DTNA: variants seen among roughly 807,000 people sequenced by gnomAD.
DTNA encodes dystrobrevin alpha.
A neutral mutation model predicts 100.7 loss-of-function variants in DTNA; 43 were observed. That is an observed-to-expected ratio of 0.43 (90% CI 0.33 to 0.55). DTNA has a LOEUF of 0.55. Ranked by LOEUF, DTNA falls within the 20% of genes least tolerant of loss-of-function variation. The pLI, the probability that DTNA is intolerant of heterozygous loss-of-function variation, is 0.04. For synonymous variants in DTNA, 349 were observed against 347.9 expected (o/e 1.00, Z -0.04); for missense variants, 798 against 953.9 (o/e 0.84, Z 2.15).
chr18:34,608,700 T>C (rs1256478524), intron 1 of DTNA, among the ~76,000 whole-genome samples: 2 of 152,176 alleles, frequency 1.3e-5, no homozygotes, highest in African/African-American at 2.4e-5. Context: ...GGGTGACCCA[T>C]CTCTTTGTGA....
chr18:34,517,513 CAT>C (rs888590563), intron 1 of DTNA, among the ~76,000 whole-genome samples: 4 of 147,344 alleles, frequency 2.7e-5, no homozygotes, highest in Admixed American at 2.0e-4. Flanking sequence ...AATGTTATCT[CAT>C]ATGTAGCTTT....
intron 13 of DTNA, among the ~76,000 whole-genome samples, chr18:34,846,763 C>T (rs752191359): frequency 1.3e-4 from 20 of 152,120 alleles, no homozygotes; most frequent in Non-Finnish European, 2.5e-4. Context: ...TAATTACTTT[C>T]ACTCATCTTC....
At chr18:34,635,753 A>G (rs2058600180) in intron 1 of DTNA, among the ~76,000 whole-genome samples, 1 of 152,210 alleles carries the variant, frequency 6.6e-6, no homozygotes, top group South Asian at 2.1e-4. Context: ...TATCTCAATC[A>G]AAAGTCTTTT....
intron 1 of DTNA, among the ~76,000 whole-genome samples, chr18:34,743,349 A>G (rs8096535): frequency 0.034 from 5,102 of 152,100 alleles, 298 homozygotes; most frequent in African/African-American, 0.12. Context: ...AACCCCATCT[A>G]CTTGGCTGTG....
chr18:34,812,145 CTT>C, intron 6 of DTNA, 32 bp downstream of exon 6: 3 of 1,613,474 alleles, frequency 1.9e-6, no homozygotes, highest in Non-Finnish European at 2.5e-6. Flanking sequence ...GGAAGTATCT[CTT>C]TCAAACAGTG....
At chr18:34,594,148 A>C (rs2050108349) in intron 1 of DTNA, among the ~76,000 whole-genome samples, 1 of 152,060 alleles carries the variant, frequency 6.6e-6, no homozygotes, top group African/African-American at 2.4e-5. Flanking sequence ...TTCAGGAAAA[A>C]AAAAAAAGCT....
chr18:34,726,744 T>A (rs1392612475), intron 1 of DTNA, among the ~76,000 whole-genome samples: 1 of 152,094 alleles, frequency 6.6e-6, no homozygotes, highest in Non-Finnish European at 1.5e-5. Flanking sequence ...TGGATTGGAG[T>A]TGAGTGCCTG....
At chr18:34,702,624 C>T (rs1028603724) in intron 1 of DTNA, among the ~76,000 whole-genome samples, 3 of 152,192 alleles carry the variant, frequency 2.0e-5, no homozygotes, top group African/African-American at 4.8e-5. Context: ...GATCTAGCCC[C>T]TAGTCCCTTC....
intron 13 of DTNA, among the ~76,000 whole-genome samples, chr18:34,846,674 A>C (rs535441595): frequency 6.6e-6 from 1 of 152,290 alleles, no homozygotes; most frequent in African/African-American, 2.4e-5. Flanking sequence ...GAAAAAAAAA[A>C]CAAACCTGTT....
At chr18:34,638,045 T>C (rs2148284160) in intron 1 of DTNA, among the ~76,000 whole-genome samples, 1 of 152,374 alleles carries the variant, frequency 6.6e-6, no homozygotes, top group South Asian at 2.1e-4. Flanking sequence ...CTTATCGTTG[T>C]CTGTCCTTTG....
rs533058890 is a variant in DTNA at position 34,684,963 on chromosome 18, T to C, written c.-1-71013T>C. 1.1e-4 allele frequency among the ~76,000 whole-genome samples: 16 copies of C among 152,364 alleles called. No individual in the cohort carries two copies. The East Asian group carries it at 3.1e-3, about 29-fold the overall frequency. Reference sequence around the variant, plus strand: ...AATGTCTTCTTTTGAAAAATGTCTGTTCATATCACTTGCCCACTTTTTGAT... The same window carrying C: ...AATGTCTTCTTTTGAAAAATGTCTGCTCATATCACTTGCCCACTTTTTGAT... On this transcript the variant is annotated intron_variant, in intron 1 of 19. Transcript: ENST00000283365.
At chr18:34,533,215 A>T (rs1023773177) in intron 1 of DTNA, among the ~76,000 whole-genome samples, 1 of 151,494 alleles carries the variant, frequency 6.6e-6, no homozygotes, top group African/African-American at 2.4e-5. Flanking sequence ...TACTAAAAAT[A>T]AAAAAAATTA....
chr18:34,621,764 A>C (rs2056550295), intron 1 of DTNA, among the ~76,000 whole-genome samples: 1 of 152,238 alleles, frequency 6.6e-6, no homozygotes, highest in African/African-American at 2.4e-5. Flanking sequence ...TAGTGACTAT[A>C]GTTAAAAACA....
intron 1 of DTNA, among the ~76,000 whole-genome samples, chr18:34,542,949 C>T (rs2044390868): frequency 6.6e-6 from 1 of 151,864 alleles, no homozygotes; most frequent in Non-Finnish European, 1.5e-5. Context: ...ATGAAAAGTC[C>T]AGCATGGATC....
intron 1 of DTNA, among the ~76,000 whole-genome samples, chr18:34,615,986 C>T (rs896448356): frequency 1.3e-5 from 2 of 152,110 alleles, no homozygotes; most frequent in Non-Finnish European, 2.9e-5. Context: ...TTCAATCCAC[C>T]ATTAATGGAG....
chr18:34,772,564 G>A (rs1428047505), intron 3 of DTNA, among the ~76,000 whole-genome samples: 1 of 79,950 alleles, frequency 1.3e-5, no homozygotes, highest in Non-Finnish European at 3.4e-5. Flanking sequence ...GGTCTTATGT[G>A]GCAGGAGTAG....
At chr18:34,572,056 T>C (rs910487315) in intron 1 of DTNA, among the ~76,000 whole-genome samples, 1 of 152,130 alleles carries the variant, frequency 6.6e-6, no homozygotes, top group Admixed American at 6.6e-5. Flanking sequence ...GTTATCTTAA[T>C]GCATAATATA....
At chr18:34,515,427 A>G (rs2041504496) in intron 1 of DTNA, among the ~76,000 whole-genome samples, 1 of 152,102 alleles carries the variant, frequency 6.6e-6, no homozygotes, top group Non-Finnish European at 1.5e-5. Flanking sequence ...ACCTTGGTCA[A>G]TTATTTCGAA....
chr18:34,820,967 GT>G (rs776969734), intron 9 of DTNA, 52 bp downstream of exon 9: 1 of 1,613,340 alleles, frequency 6.2e-7, no homozygotes, highest in Non-Finnish European at 8.5e-7. Flanking sequence ...AAGGGCACAT[GT>G]CTGGAGCCAC....
Sources: allele counts gnomAD v4.1 joint callset (sites outside exome capture counted in the v4.1 genomes callset), GRCh38; gene constraint gnomAD v4.1.1; transcripts MANE v1.5; gene names NCBI Gene and HGNC (gene_info 2026-07-23, HGNC 2026-07-21).